The following IL1RAPL2 variants were observed in gnomAD, a reference collection of about 807,000 sequenced individuals.
IL1RAPL2 encodes the protein interleukin 1 receptor accessory protein like 2, also known as X-linked interleukin-1 receptor accessory protein-like 2.
A neutral mutation model predicts 44.1 loss-of-function variants in IL1RAPL2; 3 were observed. The observed-to-expected ratio is 0.07, with a 90% CI of 0.03 to 0.18. The LOEUF (loss-of-function observed/expected upper bound fraction) is 0.18. Among genes scored for constraint, IL1RAPL2 ranks in the 10% least tolerant of loss-of-function variants. IL1RAPL2 has a pLI of 1.00. For synonymous variants in IL1RAPL2, 181 were observed against 178.8 expected, an observed-to-expected ratio of 1.01 and a Z score of -0.10; for missense variants, 391 against 496.4, an observed-to-expected ratio of 0.79 and a Z score of 2.02.
At chrX:105,304,394 A>G (rs1173908632) in intron 5 of IL1RAPL2, among the ~76,000 whole-genome samples, 1 of 112,393 alleles carries the variant, frequency 8.9e-6, no homozygotes, top group Non-Finnish European at 1.9e-5. Flanking sequence ...GAAATGAGGA[A>G]ATTGCATTCT....
chrX:104,569,930 T>C (rs1928113410), intron 1 of IL1RAPL2, among the ~76,000 whole-genome samples: 1 of 112,307 alleles, frequency 8.9e-6, no homozygotes, highest in African/African-American at 3.2e-5. Context: ...GGAACATATA[T>C]TTATCCTTTG....
chrX:105,048,010 C>T (rs767646570), intron 2 of IL1RAPL2, among the ~76,000 whole-genome samples: 4 of 111,345 alleles, frequency 3.6e-5, no homozygotes, highest in South Asian at 3.9e-4. Flanking sequence ...GTTTTAGAAA[C>T]GACTTCCCAG....
At chrX:105,193,839 T>TA (rs1296043938) in intron 2 of IL1RAPL2, among the ~76,000 whole-genome samples, 2 of 111,731 alleles carry the variant, frequency 1.8e-5, no homozygotes, top group African/African-American at 6.5e-5. Flanking sequence ...ACTATCAATT[T>TA]AAAGGGAGTT....
chrX:105,232,006 C>A (rs1011995073), intron 3 of IL1RAPL2, among the ~76,000 whole-genome samples: 1 of 111,862 alleles, frequency 8.9e-6, no homozygotes, highest in Non-Finnish European at 1.9e-5. Flanking sequence ...TCACTTAATC[C>A]CCAGTGGGCA....
intron 1 of IL1RAPL2, among the ~76,000 whole-genome samples, chrX:104,654,266 T>A (rs1358590972): frequency 1.8e-5 from 2 of 111,458 alleles, no homozygotes; most frequent in African/African-American, 6.5e-5. Flanking sequence ...CATAAACAAC[T>A]GTAAATGCTG....
chrX:105,735,013 T>C (rs927753384), intron 7 of IL1RAPL2, among the ~76,000 whole-genome samples: 11 of 111,740 alleles, frequency 9.8e-5, no homozygotes, highest in Non-Finnish European at 1.9e-4. Flanking sequence ...TGCCTTTCTC[T>C]CAACTTTCTG....
intron 5 of IL1RAPL2, among the ~76,000 whole-genome samples, chrX:105,383,636 A>G (rs1205427613): frequency 8.9e-6 from 1 of 112,010 alleles, no homozygotes; most frequent in East Asian, 2.8e-4. Flanking sequence ...CAGTAATGAG[A>G]TTGCTAGATC....
intron 2 of IL1RAPL2, among the ~76,000 whole-genome samples, chrX:104,860,422 TAATC>T (rs1922462740): frequency 9.0e-6 from 1 of 111,638 alleles, no homozygotes; most frequent in Non-Finnish European, 1.9e-5. Context: ...ATTTGAAACA[TAATC>T]AATAATGATT....
intron 5 of IL1RAPL2, among the ~76,000 whole-genome samples, chrX:105,268,025 T>C (rs2034417133): frequency 8.9e-6 from 1 of 111,901 alleles, no homozygotes; most frequent in African/African-American, 3.3e-5. Context: ...TTAGAGCAAC[T>C]CCAAATGAAG....
intron 5 of IL1RAPL2, among the ~76,000 whole-genome samples, chrX:105,384,414 C>T (rs1441551400): frequency 9.0e-6 from 1 of 110,884 alleles, no homozygotes; most frequent in East Asian, 2.8e-4. Context: ...AAATAAGTTG[C>T]CTGTAGCTGT....
chrX:105,639,066 A>G (rs2037545676), intron 6 of IL1RAPL2, among the ~76,000 whole-genome samples: 1 of 111,519 alleles, frequency 9.0e-6, no homozygotes, highest in Non-Finnish European at 1.9e-5. Flanking sequence ...GGGAGCCTTA[A>G]TTTTGTTTTT....
chrX:105,384,663 G>T (rs1028336026), intron 5 of IL1RAPL2, among the ~76,000 whole-genome samples: 1 of 110,789 alleles, frequency 9.0e-6, no homozygotes, highest in Non-Finnish European at 1.9e-5. Flanking sequence ...TTGGTAATTT[G>T]ATAGAGATTA....
chrX:105,215,590 A>G (rs1265751227), intron 3 of IL1RAPL2, among the ~76,000 whole-genome samples: 1 of 111,942 alleles, frequency 8.9e-6, no homozygotes, highest in Admixed American at 9.5e-5. Flanking sequence ...AAAAGAGGGA[A>G]TCCTCTCTAA....
At chrX:104,893,823 G>A (rs1394496350) in intron 2 of IL1RAPL2, among the ~76,000 whole-genome samples, 1 of 111,623 alleles carries the variant, frequency 9.0e-6, no homozygotes, top group East Asian at 2.8e-4. Context: ...ATTTGATCCT[G>A]TCATTATGAT....
intron 2 of IL1RAPL2, among the ~76,000 whole-genome samples, chrX:104,668,433 G>A (rs1020239297): frequency 7.7e-5 from 8 of 103,497 alleles, no homozygotes; most frequent in African/African-American, 1.8e-4. Flanking sequence ...CCATTAACTC[G>A]TCATTTAGCA....
intron 2 of IL1RAPL2, among the ~76,000 whole-genome samples, chrX:104,861,673 C>A (rs927195484): frequency 9.0e-6 from 1 of 110,525 alleles, no homozygotes; most frequent in Non-Finnish European, 1.9e-5. Context: ...CAAAATCCAC[C>A]GATGCTCAGG....
chrX:105,035,493 C>G (rs2031612565), intron 2 of IL1RAPL2, among the ~76,000 whole-genome samples: 1 of 112,124 alleles, frequency 8.9e-6, no homozygotes, highest in African/African-American at 3.2e-5. Flanking sequence ...TGGGGAAATA[C>G]TGTAAGCCAG....
intron 1 of IL1RAPL2, among the ~76,000 whole-genome samples, chrX:104,611,341 C>A (rs1209128389): frequency 9.0e-6 from 1 of 111,501 alleles, no homozygotes; most frequent in Admixed American, 9.5e-5. Context: ...GCCTTTTGTT[C>A]AGATATGCCC....
chrX:104,605,435 A>T (rs1295877607), intron 1 of IL1RAPL2, among the ~76,000 whole-genome samples: 2 of 111,697 alleles, frequency 1.8e-5, no homozygotes, highest in Non-Finnish European at 3.8e-5. Context: ...AAACAAATTC[A>T]AAAGCTAGCA....
Sources: gnomAD v4.1 joint callset for allele counts (sites outside exome capture counted in the v4.1 genomes callset) on GRCh38, gnomAD v4.1.1 for gene constraint, MANE v1.5 for transcripts, NCBI Gene and HGNC (gene_info 2026-07-23, HGNC 2026-07-21) for gene names.